Variants in RNF150 observed in about 807,000 individuals in gnomAD.
RNF150 encodes ring finger protein 150.
Under a neutral mutation model 39.3 loss-of-function variants are expected in RNF150, and 24 were observed. That is an observed-to-expected ratio of 0.61 (90% CI 0.44 to 0.86). The LOEUF (loss-of-function observed/expected upper bound fraction) is 0.86, where lower values mean the gene tolerates loss of function less well. Among genes scored for constraint, RNF150 ranks in the 40% least tolerant of loss-of-function variants. The pLI is 0.00. For synonymous variants in RNF150, 255 were observed against 227.3 expected (o/e 1.12, Z -1.10); for missense variants, 502 against 587.8 (o/e 0.85, Z 1.51).
intron 6 of RNF150, among the ~76,000 whole-genome samples, chr4:140,909,565 C>T (rs1730515020): frequency 6.6e-6 from 1 of 151,716 alleles, no homozygotes; most frequent in Non-Finnish European, 1.5e-5. Context: ...AGACTGAGTA[C>T]CAAAAAATGT....
intron 1 of RNF150, among the ~76,000 whole-genome samples, chr4:141,130,439 A>C (rs1254941822): frequency 6.6e-6 from 1 of 152,198 alleles, no homozygotes; most frequent in Non-Finnish European, 1.5e-5. Flanking sequence ...TAACGTTCAA[A>C]CTACAGTATT....
chr4:141,057,581 A>G (rs768450960), intron 1 of RNF150, among the ~76,000 whole-genome samples: 1 of 151,990 alleles, frequency 6.6e-6, no homozygotes, highest in Non-Finnish European at 1.5e-5. Flanking sequence ...AGTCCATTAT[A>G]TATCTCTTAT....
chr4:140,868,315 T>C lies in RNF150; in HGVS notation c.1263A>G (p.Gly421=). 1 of 1,613,260 alleles carries C rather than the reference T, an allele frequency of 6.2e-7. No individual in the cohort carries two copies. Among genetic ancestry groups the C allele is most frequent in the Non-Finnish European group, 8.5e-7 (1 of 1,179,250 alleles). Residue 421 remains glycine (G), a synonymous_variant, in exon 7 of 7, where the codon GGA becomes GGG. Coordinates refer to ENST00000515673, the MANE Select transcript of RNF150 (RefSeq NM_020724.2). ...CAGTGGAAAGTTCTACATCAGACAG[T>C]CCAACCTCCATTGCCATGATCAAGG... ...DISLIMAMEV[G]LSDVELSTDQ...
intron 1 of RNF150, among the ~76,000 whole-genome samples, chr4:140,999,364 C>T (rs1036498646): frequency 2.0e-5 from 3 of 152,186 alleles, no homozygotes; most frequent in Non-Finnish European, 4.4e-5. Flanking sequence ...CTTAGTATCA[C>T]ATCATAATGA....
chr4:141,156,397 C>T (rs1201032170), intron 1 of RNF150, among the ~76,000 whole-genome samples: 4 of 152,124 alleles, frequency 2.6e-5, no homozygotes, highest in Non-Finnish European at 4.4e-5. Context: ...CCTCCTGCCT[C>T]ATCCTCCTGA....
At chr4:141,051,311 C>A (rs1736769527) in intron 1 of RNF150, among the ~76,000 whole-genome samples, 1 of 152,168 alleles carries the variant, frequency 6.6e-6, no homozygotes, top group Non-Finnish European at 1.5e-5. Context: ...TCCCCATTGT[C>A]TTGGGGATTA....
intron 1 of RNF150, among the ~76,000 whole-genome samples, chr4:141,180,598 G>C (rs544751842): frequency 6.6e-6 from 1 of 151,972 alleles, no homozygotes; most frequent in Non-Finnish European, 1.5e-5. Context: ...CTGCATTCTT[G>C]GTGGTGACAT....
intron 6 of RNF150, among the ~76,000 whole-genome samples, chr4:140,893,756 C>T (rs920774800): frequency 1.3e-5 from 2 of 152,010 alleles, no homozygotes; most frequent in South Asian, 2.1e-4. Context: ...TTGAGAAGAA[C>T]TGAAAAGGTA....
intron 1 of RNF150, among the ~76,000 whole-genome samples, chr4:141,022,565 C>A (rs1008675297): frequency 6.6e-6 from 1 of 152,144 alleles, no homozygotes; most frequent in Non-Finnish European, 1.5e-5. Context: ...AGTGACCAAG[C>A]AAGTTAAAAA....
chr4:141,060,852 A>C (rs983010920), intron 1 of RNF150, among the ~76,000 whole-genome samples: 1 of 152,204 alleles, frequency 6.6e-6, no homozygotes, highest in Non-Finnish European at 1.5e-5. Flanking sequence ...ACATGGATGA[A>C]GCCAGAAACC....
chr4:141,168,364 A>C (rs1245743496), intron 1 of RNF150, among the ~76,000 whole-genome samples: 1 of 152,248 alleles, frequency 6.6e-6, no homozygotes, highest in Non-Finnish European at 1.5e-5. Flanking sequence ...AAATTAGTCA[A>C]CCATTGTGGA....
rs1728429765 is a variant in RNF150 at position 140,860,178 on chromosome 4, T to C, written c.*8083A>G. 6.6e-6 allele frequency: 1 copy of C among 151,444 alleles called. No individual in the cohort carries two copies. The highest frequency in any genetic ancestry group is 2.4e-5 in the African/African-American group (1 of 41,100). The allele number at this position is 151,444 out of a possible 1,614,324, so 9.4% of individuals were successfully genotyped here. A position where few individuals can be genotyped will look rare whatever the true frequency, so the allele number is the denominator to read the frequency against. On this transcript the variant is annotated 3_prime_UTR_variant, in exon 7 of 7. Transcript: ENST00000515673. ...ATTTCTTTGTATTTCAAGAGGGATA[T>C]AAAGTGCTCTGAAAGGAGTAGGGTA...
chr4:141,045,040 A>G (rs1736518946), intron 1 of RNF150, among the ~76,000 whole-genome samples: 1 of 152,222 alleles, frequency 6.6e-6, no homozygotes, highest in Non-Finnish European at 1.5e-5. Context: ...GTACATCCCA[A>G]TGGTATTCCC....
At chr4:140,973,874 TAAAAAAAAAAAAA>T (rs566506401) in intron 1 of RNF150, among the ~76,000 whole-genome samples, 2 of 110,540 alleles carry the variant, frequency 1.8e-5, no homozygotes, top group Non-Finnish European at 3.6e-5. Flanking sequence ...AGACTCTGTT[TAAAAAAAAAAAAA>T]AAAAAAAAAA....
rs146536800 is a variant in RNF150, at chr4:141,044,022, G to C, written c.485-76149C>G. Among the ~76,000 whole-genome samples the C allele has an allele frequency of 8.9e-4, 136 of 152,202 alleles. 2 individuals are homozygous for C. In the East Asian group the frequency reaches 0.018, roughly 20 times the overall value. On this transcript the variant is annotated intron_variant, in intron 1 of 6. Transcript: ENST00000515673. Reference sequence around the variant, plus strand: ...CAACATCCTTGAATGGTGTATAATAGGGTTGAAGTAAATGTATTCTATTGA... The same window carrying C: ...CAACATCCTTGAATGGTGTATAATACGGTTGAAGTAAATGTATTCTATTGA...
intron 6 of RNF150, among the ~76,000 whole-genome samples, chr4:140,882,309 C>A (rs956877259): frequency 1.3e-5 from 2 of 152,138 alleles, no homozygotes; most frequent in Non-Finnish European, 2.9e-5. Context: ...GTGAGCCACT[C>A]AATCTTCTTA....
intron 1 of RNF150, among the ~76,000 whole-genome samples, chr4:141,185,780 G>C (rs1303615461): frequency 6.6e-6 from 1 of 152,206 alleles, no homozygotes; most frequent in Admixed American, 6.5e-5. Context: ...TGCATCTATT[G>C]AGATAATCAT....
At chr4:141,131,209 C>T (rs7669979) in intron 1 of RNF150, among the ~76,000 whole-genome samples, 213 of 152,354 alleles carry the variant, frequency 1.4e-3, no homozygotes, top group African/African-American at 4.8e-3. Flanking sequence ...ATTTCAGCAG[C>T]GTAACTATTT....
chr4:140,963,734 T>G (rs1335581641), intron 2 of RNF150, among the ~76,000 whole-genome samples: 1 of 152,028 alleles, frequency 6.6e-6, no homozygotes, highest in Non-Finnish European at 1.5e-5. Flanking sequence ...TCAGGATGGT[T>G]CATAATGGAA....
Sources: gnomAD v4.1 joint callset for allele counts (sites outside exome capture counted in the v4.1 genomes callset) on GRCh38, gnomAD v4.1.1 for gene constraint, MANE v1.5 for transcripts, NCBI Gene and HGNC (gene_info 2026-07-23, HGNC 2026-07-21) for gene names.